The following GREB1L variants were observed in gnomAD, a reference collection of about 807,000 sequenced individuals.
GREB1L encodes GREB1-like protein.
GREB1L carries 17 observed loss-of-function variants against 200.8 expected under a neutral mutation model. The ratio of observed to expected loss-of-function variants is 0.08; its 90% confidence interval spans 0.06 to 0.13. GREB1L has a LOEUF of 0.13. GREB1L is among the 10% of genes least tolerant of loss of function. The probability of loss-of-function intolerance (pLI) is 1.00; values close to 1 mark genes in which losing one functional copy is unlikely to be tolerated. For synonymous variants in GREB1L, 789 were observed against 893.0 expected (o/e 0.88, Z 2.08); for missense variants, 1,657 against 2,367.7 (o/e 0.70, Z 6.23).
intron 21 of GREB1L, among the ~76,000 whole-genome samples, chr18:21,498,725 CAG>C (rs1351670000): frequency 2.6e-5 from 4 of 152,200 alleles, no homozygotes; most frequent in African/African-American, 9.6e-5. Flanking sequence ...ATGGCTGACT[CAG>C]AGGGTGACGG....
chr18:21,500,322 C>A lies in GREB1L; in HGVS notation c.3969+16C>A, dbSNP rs1259434005. The A allele has an allele frequency of 2.8e-6, 3 of 1,080,266 alleles. No homozygotes were observed. The highest frequency in any genetic ancestry group is 4.1e-6 in the Non-Finnish European group (3 of 735,452). 66.9% of individuals were successfully genotyped at this position (1,080,266 alleles called of 1,614,324 possible). On this transcript the variant is annotated intron_variant, in intron 22 of 32. Coordinates refer to ENST00000424526, the MANE Select transcript of GREB1L (RefSeq NM_001142966.3). Reference sequence around the variant, plus strand: ...GCCCCCACAGGTAGGGCCAAGCCAGCCGGGGCCGTTTCTTAGGCTGGGGTT... The same window carrying A: ...GCCCCCACAGGTAGGGCCAAGCCAGACGGGGCCGTTTCTTAGGCTGGGGTT...
At chr18:21,487,848 A>C (rs1165530879) in intron 18 of GREB1L, among the ~76,000 whole-genome samples, 1 of 145,128 alleles carries the variant, frequency 6.9e-6, no homozygotes, top group African/African-American at 2.5e-5. Context: ...TAAAAATACA[A>C]AAAAAAAAAA....
At chr18:21,492,049 T>C (rs185952119) in intron 19 of GREB1L, among the ~76,000 whole-genome samples, 1 of 152,004 alleles carries the variant, frequency 6.6e-6, no homozygotes, top group East Asian at 1.9e-4. Flanking sequence ...ATATTGCTAA[T>C]GATGAAGAAT....
chr18:21,246,360 A>G (rs2037602232), intron 1 of GREB1L, among the ~76,000 whole-genome samples: 1 of 152,228 alleles, frequency 6.6e-6, no homozygotes, highest in East Asian at 1.9e-4. Context: ...TTTCCACATT[A>G]CTTTCTAAAA....
chr18:21,362,435 G>C (rs1396698566), intron 1 of GREB1L, among the ~76,000 whole-genome samples: 2 of 151,800 alleles, frequency 1.3e-5, no homozygotes, highest in Non-Finnish European at 2.9e-5. Flanking sequence ...ACATTTTAGA[G>C]AAAAAAATAT....
intron 15 of GREB1L, among the ~76,000 whole-genome samples, chr18:21,457,964 G>GTTTTTT (rs11414940): frequency 1.7e-5 from 2 of 117,860 alleles, no homozygotes; most frequent in South Asian, 2.9e-4. Flanking sequence ...AGCAAGGACA[G>GTTTTTT]TTTTTTTTTT....
chr18:21,431,293 G>A (rs2033135347), intron 7 of GREB1L, among the ~76,000 whole-genome samples: 1 of 152,046 alleles, frequency 6.6e-6, no homozygotes, highest in Admixed American at 6.6e-5. Context: ...CCAAAGTGTT[G>A]GAATTACAGG....
At chr18:21,372,576 G>A (rs1269733070) in intron 2 of GREB1L, among the ~76,000 whole-genome samples, 2 of 152,116 alleles carry the variant, frequency 1.3e-5, no homozygotes, top group Non-Finnish European at 2.9e-5. Context: ...TTCCAGTGTG[G>A]CCGAAGATGG....
chr18:21,432,027 A>T (rs2033194708), intron 7 of GREB1L, among the ~76,000 whole-genome samples: 2 of 145,396 alleles, frequency 1.4e-5, no homozygotes. Flanking sequence ...GGTTCACACC[A>T]TTCTCCTGCC....
At chr18:21,409,791 C>G (rs929531555) in intron 7 of GREB1L, among the ~76,000 whole-genome samples, 8 of 152,066 alleles carry the variant, frequency 5.3e-5, no homozygotes, top group African/African-American at 1.9e-4. Flanking sequence ...GGTTTCCTTT[C>G]CTCATTTGCA....
chr18:21,366,148 TTA>T lies in GREB1L; in HGVS notation c.-10+18_-10+19del, dbSNP rs2039672876. ...ATAAATAAACCAAGGTATTGTACAATTATATATGACCCTCCCCAATTTTTCAA... is the reference window on the plus strand; with the variant it reads ...ATAAATAAACCAAGGTATTGTACAATTATATGACCCTCCCCAATTTTTCAA... On this transcript the variant is annotated intron_variant, in intron 2 of 32. Transcript: ENST00000424526. The T allele has an allele frequency of 6.6e-6, 1 of 152,100 alleles. No individual in the cohort carries two copies. Among genetic ancestry groups the T allele is most frequent in the Non-Finnish European group, 1.5e-5 (1 of 68,012 alleles). The allele number at this position is 152,100 out of a possible 1,614,324, so 9.4% of individuals were successfully genotyped here. A position where few individuals can be genotyped will look rare whatever the true frequency, so the allele number is the denominator to read the frequency against.
chr18:21,384,114 G>A, intron 3 of GREB1L, 92 bp from the exon 4 acceptor site: 1 of 897,584 alleles, frequency 1.1e-6, no homozygotes, highest in Non-Finnish European at 1.7e-6. Flanking sequence ...GAAAATGCTA[G>A]ACCTTTTTTC....
At chr18:21,509,036 G>A (rs1167461464) in intron 27 of GREB1L, among the ~76,000 whole-genome samples, 2 of 152,230 alleles carry the variant, frequency 1.3e-5, no homozygotes, top group African/African-American at 4.8e-5. Flanking sequence ...GGGGGCTGTT[G>A]TACAACCAGG....
chr18:21,471,035 T>A (rs569222288), intron 15 of GREB1L, among the ~76,000 whole-genome samples: 3 of 152,326 alleles, frequency 2.0e-5, no homozygotes, highest in East Asian at 1.9e-4. Flanking sequence ...AGTTATGGAC[T>A]AATATACTGT....
intron 1 of GREB1L, among the ~76,000 whole-genome samples, chr18:21,323,751 T>C (rs184753657): frequency 6.6e-6 from 1 of 151,092 alleles, no homozygotes; most frequent in Admixed American, 6.6e-5. Flanking sequence ...TCTCTAAAAA[T>C]TTTTTTTTTA....
intron 1 of GREB1L, among the ~76,000 whole-genome samples, chr18:21,340,434 CA>C (rs1332706850): frequency 2.0e-5 from 3 of 150,936 alleles, no homozygotes; most frequent in Non-Finnish European, 3.0e-5. Context: ...AACAAACAAA[CA>C]AAAAAAACCA....
intron 23 of GREB1L, 84 bp downstream of exon 23, chr18:21,500,726 C>T: frequency 1.0e-6 from 1 of 971,612 alleles, no homozygotes; most frequent in Non-Finnish European, 1.5e-6. Flanking sequence ...CTTTTGGCTT[C>T]TGGGATTTCT....
chr18:21,268,525 A>ATG (rs1246232315), intron 1 of GREB1L, among the ~76,000 whole-genome samples: 3 of 67,866 alleles, frequency 4.4e-5, no homozygotes, highest in African/African-American at 2.3e-4. Flanking sequence ...ATATATATAC[A>ATG]CACACACACA....
At chr18:21,437,569 C>T (rs539837702) in intron 7 of GREB1L, among the ~76,000 whole-genome samples, 5 of 150,768 alleles carry the variant, frequency 3.3e-5, no homozygotes, top group Admixed American at 3.3e-4. Flanking sequence ...ATAACTCTTG[C>T]CAAAAAAAAA....
Sources: gnomAD v4.1 joint callset for allele counts (sites outside exome capture counted in the v4.1 genomes callset) on GRCh38, gnomAD v4.1.1 for gene constraint, MANE v1.5 for transcripts, NCBI Gene and HGNC (gene_info 2026-07-23, HGNC 2026-07-21) for gene names.